EHBP1: variants seen among roughly 807,000 people sequenced by gnomAD.
The protein encoded by EHBP1 is EH domain binding protein 1, also known as EH domain-binding protein 1.
A neutral mutation model predicts 144.0 loss-of-function variants in EHBP1; 55 were observed. That is an observed-to-expected ratio of 0.38 (90% CI 0.31 to 0.48). The LOEUF is 0.48. EHBP1 is among the 20% of genes least tolerant of loss of function. EHBP1 has a pLI of 0.98. For missense variants in EHBP1, 1,200 were observed against 1,364.2 expected (o/e 0.88, Z 1.90); for synonymous variants, 469 against 472.7 (o/e 0.99, Z 0.10).
intron 13 of EHBP1, among the ~76,000 whole-genome samples, chr2:62,953,163 GC>G (rs1195598041): frequency 7.2e-6 from 1 of 138,208 alleles, no homozygotes; most frequent in Non-Finnish European, 1.5e-5. Flanking sequence ...GTTGCGGTGA[GC>G]CGAGCTGGCG....
At chr2:62,830,183 C>T (rs1180197049) in intron 6 of EHBP1, among the ~76,000 whole-genome samples, 1 of 106,992 alleles carries the variant, frequency 9.3e-6, no homozygotes, top group East Asian at 2.3e-4. Context: ...CACACACACA[C>T]ACACACACAC....
intron 9 of EHBP1, among the ~76,000 whole-genome samples, chr2:62,868,803 A>C (rs1400745073): frequency 6.6e-6 from 1 of 151,874 alleles, no homozygotes; most frequent in East Asian, 1.9e-4. Flanking sequence ...ATTTTTTTTT[A>C]ATTAGCTGGG....
intron 19 of EHBP1, among the ~76,000 whole-genome samples, chr2:62,997,218 A>AT (rs891070932): frequency 1.3e-5 from 2 of 151,480 alleles, no homozygotes; most frequent in Non-Finnish European, 2.9e-5. Context: ...ATGCTCCACA[A>AT]TTTTTTTTTC....
At position 63,005,143 on chromosome 2, in the gene EHBP1, T is replaced by C. The variant is rs146892864; in HGVS notation, c.3103+8377T>C. 1.2e-3 allele frequency among the ~76,000 whole-genome samples: 186 copies of C among 152,242 alleles called. 1 individual carries two copies. The highest frequency in any genetic ancestry group is 2.2e-3 in the Non-Finnish European group (152 of 68,010). ...ATGGAGAGTTATCTATTTAATCTCT[T>C]GGTAATCCAGAGTCATCATGTATTT... On this transcript the variant is annotated intron_variant, in intron 19 of 22. Transcript: ENST00000431489.
At chr2:62,774,686 A>C (rs1013460113) in intron 5 of EHBP1, among the ~76,000 whole-genome samples, 1 of 152,128 alleles carries the variant, frequency 6.6e-6, no homozygotes, top group Non-Finnish European at 1.5e-5. Context: ...CTACAAAAAA[A>C]TAAAAAAAAT....
intron 7 of EHBP1, among the ~76,000 whole-genome samples, chr2:62,832,438 C>CTTTTTTTTTTTTTTTTTTTTTT (rs202005406): frequency 8.5e-6 from 1 of 117,818 alleles, no homozygotes; most frequent in African/African-American, 3.2e-5. Flanking sequence ...TTTCTTTTTT[C>CTTTTTTTTTTTTTTTTTTTTTT]TTTTTTTTTT....
At chr2:62,719,156 A>G (rs1013406126) in intron 2 of EHBP1, among the ~76,000 whole-genome samples, 2 of 151,806 alleles carry the variant, frequency 1.3e-5, no homozygotes, top group Non-Finnish European at 2.9e-5. Flanking sequence ...TTGTAGAGGC[A>G]AAGTTTTGCC....
intron 10 of EHBP1, among the ~76,000 whole-genome samples, chr2:62,926,929 G>C (rs2055563084): frequency 6.6e-6 from 1 of 152,090 alleles, no homozygotes; most frequent in African/African-American, 2.4e-5. Flanking sequence ...CCAAGATATA[G>C]ACTCAACCTA....
At position 62,878,211 on chromosome 2, in the gene EHBP1, A is replaced by G. The variant is rs150888023; in HGVS notation, c.1185+3679A>G. On this transcript the variant is annotated intron_variant, in intron 10 of 22. Transcript: ENST00000431489. The stretch of plus-strand genomic sequence containing the variant: ...TTACAAATCCCTCTATGCACAGAAA[A>G]CCTACAAGATATGAGTAAATTACTG... Among the ~76,000 whole-genome samples, 999 of 152,252 alleles carry G rather than the reference A, an allele frequency of 6.6e-3. 25 individuals carry two copies. The highest frequency in any genetic ancestry group is 0.048 in the Admixed American group (729 of 15,286).
upstream of EHBP1, among the ~76,000 whole-genome samples, chr2:62,702,729 C>A (rs555652124): frequency 6.6e-6 from 1 of 152,096 alleles, no homozygotes; most frequent in African/African-American, 2.4e-5. Context: ...TAAGTATTGC[C>A]CAAGTATTCT....
intron 3 of EHBP1, among the ~76,000 whole-genome samples, chr2:62,754,656 G>C (rs1404140260): frequency 6.6e-6 from 1 of 152,218 alleles, no homozygotes; most frequent in Non-Finnish European, 1.5e-5. Context: ...CGAGCTTCCT[G>C]ACTGCTCTGT....
chr2:62,991,272 A>T (rs1017774948), intron 16 of EHBP1, among the ~76,000 whole-genome samples: 4 of 151,838 alleles, frequency 2.6e-5, no homozygotes, highest in Non-Finnish European at 4.4e-5. Flanking sequence ...TTAATTAATT[A>T]AAAAAATTGT....
intron 15 of EHBP1, among the ~76,000 whole-genome samples, chr2:62,989,472 G>A (rs1326348427): frequency 6.6e-6 from 1 of 152,096 alleles, no homozygotes; most frequent in Non-Finnish European, 1.5e-5. Flanking sequence ...TCTAGTTTCA[G>A]CTGTAGCAAC....
In EHBP1 at chr2:62,706,155, AC is replaced by A. The variant is rs2034541881; in HGVS notation, c.-296+105del. On this transcript the variant is annotated intron_variant, in intron 1 of 22. Coordinates refer to ENST00000431489, the MANE Select transcript of EHBP1 (RefSeq NM_001142616.3). The stretch of plus-strand genomic sequence containing the variant: ...GGGTGACAGGGACCGCGGACGAGCC[AC>A]CGCCTGTCTCCGCTGGGGGGCAGGG... 2.0e-5 allele frequency: 3 copies of A among 152,976 alleles called. No individual in the cohort carries two copies. The South Asian group carries it at 5.6e-4, about 29-fold the overall frequency. 9.5% of individuals were successfully genotyped at this position (152,976 alleles called of 1,614,324 possible).
rs761346049 is a variant in EHBP1 at position 62,949,075 on chromosome 2, A to G, written c.2229A>G (p.Lys743=). ...YSRDLDLAKK[K]HASLRQTESD... ...GAGATCTAGACCTTGCTAAGAAAAA[A>G]CATGCTTCCCTGAGGCAGACGGAGT... Residue 743 remains lysine (K), a synonymous_variant, in exon 13 of 23, where the codon AAA becomes AAG. Coordinates refer to ENST00000431489, the MANE Select transcript of EHBP1 (RefSeq NM_001142616.3). The G allele has an allele frequency of 2.5e-6, 4 of 1,608,000 alleles. No individual in the cohort carries two copies. Among genetic ancestry groups the G allele is most frequent in the Non-Finnish European group, 3.4e-6 (4 of 1,178,638 alleles).
At chr2:62,835,478 C>T (rs914355549) in intron 7 of EHBP1, among the ~76,000 whole-genome samples, 6 of 151,916 alleles carry the variant, frequency 3.9e-5, no homozygotes, top group Admixed American at 6.6e-5. Flanking sequence ...AAAAATAAAG[C>T]GGGGGAGGAG....
chr2:62,965,132 GTGA>G (rs2058186967), intron 14 of EHBP1: 1 of 152,496 alleles, frequency 6.6e-6, no homozygotes, highest in African/African-American at 2.4e-5. Context: ...CAGTAGTGCA[GTGA>G]CTTTATACTT....
intron 5 of EHBP1, among the ~76,000 whole-genome samples, chr2:62,796,639 A>G (rs961557342): frequency 2.6e-5 from 4 of 152,164 alleles, no homozygotes; most frequent in South Asian, 2.1e-4. Flanking sequence ...GTTTTATTCA[A>G]AGTTCCAATG....
intron 3 of EHBP1, among the ~76,000 whole-genome samples, chr2:62,747,973 T>TC (rs2152160805): frequency 6.6e-6 from 1 of 152,166 alleles, no homozygotes; most frequent in Admixed American, 6.5e-5. Flanking sequence ...ATCTTGAACT[T>TC]CTAGCCCTTA....
Sources: gnomAD v4.1 joint callset for allele counts (sites outside exome capture counted in the v4.1 genomes callset) on GRCh38, gnomAD v4.1.1 for gene constraint, MANE v1.5 for transcripts, NCBI Gene and HGNC (gene_info 2026-07-23, HGNC 2026-07-21) for gene names.